Variants in UST observed in about 807,000 individuals in gnomAD.
UST encodes chondroitin sulfate 2-O-sulfotransferase.
A neutral mutation model predicts 45.6 loss-of-function variants in UST; 21 were observed. The observed-to-expected ratio is 0.46, with a 90% confidence interval of 0.33 to 0.66. UST has a LOEUF of 0.66. Among genes scored for constraint, UST ranks in the 30% least tolerant of loss-of-function variants. The pLI, the probability that UST is intolerant of heterozygous loss-of-function variation, is 0.02. For synonymous variants in UST, 215 were observed against 200.6 expected, an observed-to-expected ratio of 1.07 and a Z score of -0.61; for missense variants, 463 against 512.4, an observed-to-expected ratio of 0.90 and a Z score of 0.93.
chr6:148,935,739 A>G (rs1404169072), intron 2 of UST, among the ~76,000 whole-genome samples: 1 of 152,190 alleles, frequency 6.6e-6, no homozygotes, highest in Admixed American at 6.5e-5. Flanking sequence ...CCTGTGATAT[A>G]TCAGGGGAAG....
chr6:148,822,071 GT>G (rs958790239), intron 1 of UST, among the ~76,000 whole-genome samples: 15 of 152,064 alleles, frequency 9.9e-5, no homozygotes, highest in Admixed American at 2.6e-4. Context: ...AGGCTGTCTG[GT>G]TTTTTTTAGT....
intron 4 of UST, among the ~76,000 whole-genome samples, chr6:148,958,026 C>G (rs1204350624): frequency 2.0e-5 from 3 of 152,160 alleles, no homozygotes; most frequent in African/African-American, 4.8e-5. Context: ...CACAAATGGT[C>G]AGAACTTTTG....
At chr6:148,991,702 T>C (rs1781357374) in intron 5 of UST, among the ~76,000 whole-genome samples, 1 of 152,176 alleles carries the variant, frequency 6.6e-6, no homozygotes, top group South Asian at 2.1e-4. Context: ...TTGAGAAATC[T>C]TGTCATTCAA....
intron 1 of UST, among the ~76,000 whole-genome samples, chr6:148,847,491 G>A (rs912540329): frequency 6.6e-6 from 1 of 152,198 alleles, no homozygotes; most frequent in African/African-American, 2.4e-5. Context: ...CCTGACATAA[G>A]ATGTTTGAAA....
At chr6:149,017,981 A>G (rs1045786312) in intron 5 of UST, among the ~76,000 whole-genome samples, 2 of 151,558 alleles carry the variant, frequency 1.3e-5, no homozygotes, top group Non-Finnish European at 2.9e-5. Context: ...TTCACTTCTC[A>G]TATGTTCCTC....
chr6:148,831,159 C>T (rs904999336), intron 1 of UST, among the ~76,000 whole-genome samples: 9 of 152,100 alleles, frequency 5.9e-5, no homozygotes, highest in African/African-American at 1.2e-4. Context: ...GCCCTTTGTG[C>T]CCTTTGCTTT....
intron 7 of UST, among the ~76,000 whole-genome samples, chr6:149,058,372 T>TGTGC (rs886255712): frequency 2.0e-5 from 3 of 151,432 alleles, no homozygotes; most frequent in Admixed American, 6.6e-5. Context: ...TGTGTGTGTG[T>TGTGC]GTGTGTGTGT....
chr6:148,749,705 T>C (rs1463306565), intron 1 of UST, among the ~76,000 whole-genome samples: 2 of 152,378 alleles, frequency 1.3e-5, no homozygotes, highest in South Asian at 2.1e-4. Flanking sequence ...ATTTTCACTT[T>C]ATATTTCCAA....
intron 7 of UST, among the ~76,000 whole-genome samples, chr6:149,051,486 G>A (rs1483207769): frequency 6.6e-6 from 1 of 152,208 alleles, no homozygotes; most frequent in Non-Finnish European, 1.5e-5. Flanking sequence ...CAATTCAGGG[G>A]CATCATTGGG....
At chr6:148,918,097 T>G (rs1422941724) in intron 2 of UST, among the ~76,000 whole-genome samples, 17 of 152,136 alleles carry the variant, frequency 1.1e-4, no homozygotes, top group Admixed American at 1.1e-3. Flanking sequence ...CTCGTGGGGT[T>G]AAAATTCCAG....
chr6:148,799,000 G>C lies in UST; in HGVS notation c.247+51323G>C, dbSNP rs532268887. 2.0e-5 allele frequency among the ~76,000 whole-genome samples: 3 copies of C among 152,232 alleles called. No homozygotes were observed. The South Asian group carries it at 6.2e-4, about 32-fold the overall frequency. Reference sequence around the variant, plus strand: ...TTCTCCTGCGTTGGCTTCCCAAGTAGCTGGGACTACAGGCATGCACCACCA... The same window carrying C: ...TTCTCCTGCGTTGGCTTCCCAAGTACCTGGGACTACAGGCATGCACCACCA... On this transcript the variant is annotated intron_variant, in intron 1 of 7. Transcript: ENST00000367463.
At chr6:148,758,824 A>C (rs1027217643) in intron 1 of UST, among the ~76,000 whole-genome samples, 4 of 152,218 alleles carry the variant, frequency 2.6e-5, no homozygotes, top group African/African-American at 9.7e-5. Flanking sequence ...GCAAATGCTG[A>C]TTTTACATTA....
At chr6:148,923,836 G>A (rs564476867) in intron 2 of UST, among the ~76,000 whole-genome samples, 9 of 152,310 alleles carry the variant, frequency 5.9e-5, no homozygotes, top group African/African-American at 1.4e-4. Context: ...GTAGTTGGTC[G>A]CTTGGAAGCC....
chr6:148,747,198 C>CGGGCAG lies in UST; in HGVS notation c.-232_-227dup, dbSNP rs1775880147. 6.9e-6 allele frequency: 2 copies of CGGGCAG among 290,858 alleles called. No individual in the cohort carries two copies. The allele number at this position is 290,858 out of a possible 1,614,324, so 18.0% of individuals were successfully genotyped here. On this transcript the variant is annotated 5_prime_UTR_variant, in exon 1 of 8. Coordinates refer to ENST00000367463, the MANE Select transcript of UST (RefSeq NM_005715.3). ...GCCGGACGGGCGCGGCGCCCCGTCA[C>CGGGCAG]GGGCAGCGCCCCGAACCGGGGCCGG...
intron 1 of UST, among the ~76,000 whole-genome samples, chr6:148,770,801 G>T (rs1776411538): frequency 6.6e-6 from 1 of 152,192 alleles, no homozygotes; most frequent in African/African-American, 2.4e-5. Context: ...TGCTCAGCTG[G>T]TGCAGCGGGC....
At chr6:148,887,065 C>G in intron 2 of UST, 36 bp downstream of exon 2, 1 of 1,566,348 alleles carries the variant, frequency 6.4e-7, no homozygotes, top group South Asian at 1.1e-5. Context: ...TCCCCTTTTT[C>G]TTTTATCTTA....
chr6:148,844,454 G>A (rs1777947243), intron 1 of UST, among the ~76,000 whole-genome samples: 1 of 152,070 alleles, frequency 6.6e-6, no homozygotes, highest in South Asian at 2.1e-4. Flanking sequence ...TATCTTACAT[G>A]TACAGTTTGA....
chr6:148,947,451 CAG>C (rs1204636858), intron 3 of UST, among the ~76,000 whole-genome samples: 10 of 152,172 alleles, frequency 6.6e-5, no homozygotes, highest in South Asian at 4.1e-4. Context: ...TTGTATTTTG[CAG>C]GGGAAAAACT....
At chr6:148,878,435 TG>T (rs1778752532) in intron 1 of UST, among the ~76,000 whole-genome samples, 2 of 28,080 alleles carry the variant, frequency 7.1e-5, no homozygotes, top group Non-Finnish European at 1.4e-4. Flanking sequence ...TGTATGAGTG[TG>T]GGGGATCGTG....
Sources: gnomAD v4.1 joint callset for allele counts (sites outside exome capture counted in the v4.1 genomes callset) on GRCh38, gnomAD v4.1.1 for gene constraint, MANE v1.5 for transcripts, NCBI Gene and HGNC (gene_info 2026-07-23, HGNC 2026-07-21) for gene names.